FGGY: variants seen among roughly 807,000 people sequenced by gnomAD.
FGGY encodes FGGY carbohydrate kinase domain-containing protein.
A neutral mutation model predicts 71.3 loss-of-function variants in FGGY; 72 were observed. The observed-to-expected ratio is 1.01, with a 90% CI of 0.84 to 1.23. FGGY has a LOEUF of 1.23. FGGY is among the 50% of genes most tolerant of loss of function. The pLI is 0.00. For synonymous variants in FGGY, 251 were observed against 250.3 expected (o/e 1.00, Z -0.02); for missense variants, 668 against 682.3 (o/e 0.98, Z 0.23).
At chr1:59,602,724 G>A (rs1167131641) in intron 8 of FGGY, among the ~76,000 whole-genome samples, 2 of 152,144 alleles carry the variant, frequency 1.3e-5, no homozygotes, top group Non-Finnish European at 2.9e-5. Context: ...TCAAAGCCTT[G>A]CTTCAAGGTG....
At chr1:59,418,341 G>C (rs994003955) in intron 5 of FGGY, among the ~76,000 whole-genome samples, 1 of 152,112 alleles carries the variant, frequency 6.6e-6, no homozygotes, top group African/African-American at 2.4e-5. Context: ...GATTTCAATC[G>C]ATTTAGAGAG....
intron 10 of FGGY, among the ~76,000 whole-genome samples, chr1:59,632,727 T>C (rs1254197211): frequency 1.3e-5 from 2 of 152,226 alleles, no homozygotes; most frequent in Non-Finnish European, 2.9e-5. Context: ...ACTTCACTTC[T>C]AAAAATTTTT....
At chr1:59,386,465 A>G (rs970634615) in intron 5 of FGGY, among the ~76,000 whole-genome samples, 1 of 152,142 alleles carries the variant, frequency 6.6e-6, no homozygotes, top group Admixed American at 6.6e-5. Context: ...ATCACAACTT[A>G]ACACTATTGA....
chr1:59,325,736 T>A (rs1351512751), intron 2 of FGGY, among the ~76,000 whole-genome samples: 1 of 152,188 alleles, frequency 6.6e-6, no homozygotes, highest in Non-Finnish European at 1.5e-5. Context: ...TAGCATTCCT[T>A]ATCTTGTTTC....
In FGGY at chr1:59,457,059, A is replaced by G; in HGVS notation, c.653A>G (p.Asp218Gly). Residue 218 changes from aspartate (D) to glycine (G), a missense_variant, in exon 6 of 16, where the codon GAT becomes GGT. By Grantham distance (94) the Asp-to-Gly change is moderately conservative. Coordinates refer to ENST00000303721, the MANE Select transcript of FGGY (RefSeq NM_018291.5). ...KMIGLEDFVA[D>G]NYSKIGNQVL... is the part of the protein sequence containing the mutation. The stretch of plus-strand genomic sequence containing the variant: ...ATTGGTTTGGAAGACTTTGTTGCAG[A>G]TAATTACAGCAAAATAGGTAAAAGA... 6.2e-7 allele frequency: 1 copy of G among 1,612,950 alleles called. No individual in the cohort carries two copies. Among genetic ancestry groups the G allele is most frequent in the East Asian group, 2.2e-5 (1 of 44,870 alleles).
chr1:59,750,524 T>C (rs993755600), intron 14 of FGGY, among the ~76,000 whole-genome samples: 4 of 152,134 alleles, frequency 2.6e-5, no homozygotes, highest in African/African-American at 7.2e-5. Context: ...GTGCACATAG[T>C]GTACTTAAAA....
intron 8 of FGGY, among the ~76,000 whole-genome samples, chr1:59,579,464 G>T (rs2096146872): frequency 6.6e-6 from 1 of 152,108 alleles, no homozygotes; most frequent in Admixed American, 6.6e-5. Flanking sequence ...CTAAAATTTA[G>T]CATGTCAAAA....
rs147134718 is a variant in FGGY at position 59,567,875 on chromosome 1, G to A, written c.903+13648G>A. ...AAATCCTTTGTCAAGTCTCCTGAAT[G>A]CTAGCTAGGCATACGAGATCCAGCA... On this transcript the variant is annotated intron_variant, in intron 8 of 15. Transcript: ENST00000303721. 2.5e-4 allele frequency among the ~76,000 whole-genome samples: 36 copies of A among 142,968 alleles called. 2 individuals carry two copies. Among genetic ancestry groups the A allele is most frequent in the African/African-American group, 8.6e-4 (33 of 38,302 alleles). The allele number at this position is 142,968 out of a possible 152,430, so 93.8% of individuals were successfully genotyped here.
intron 5 of FGGY, among the ~76,000 whole-genome samples, chr1:59,398,070 G>A (rs1319389831): frequency 6.6e-6 from 1 of 152,070 alleles, no homozygotes; most frequent in African/African-American, 2.4e-5. Flanking sequence ...TGCTTCTTCT[G>A]GTCTTAATGG....
chr1:59,482,836 T>A (rs2093536894), intron 6 of FGGY, among the ~76,000 whole-genome samples: 1 of 152,048 alleles, frequency 6.6e-6, no homozygotes, highest in Admixed American at 6.6e-5. Flanking sequence ...CAAAAGTTGA[T>A]CTTCAGATCA....
At chr1:59,726,103 C>T (rs760808097) in intron 14 of FGGY, among the ~76,000 whole-genome samples, 10 of 151,950 alleles carry the variant, frequency 6.6e-5, no homozygotes, top group Admixed American at 2.6e-4. Flanking sequence ...TCATAGTTTG[C>T]TGTGAATTTT....
intron 8 of FGGY, among the ~76,000 whole-genome samples, chr1:59,573,910 C>T (rs138908235): frequency 1.3e-5 from 2 of 152,310 alleles, no homozygotes; most frequent in East Asian, 3.9e-4. Context: ...ACTGTTGAGC[C>T]TTCTACTACA....
intron 6 of FGGY, among the ~76,000 whole-genome samples, chr1:59,504,275 A>G (rs11207462): frequency 0.28 from 42,758 of 152,048 alleles, 6,434 homozygotes; most frequent in Middle Eastern, 0.34. Context: ...TAATAAACCA[A>G]TAAACGTGTT....
intron 5 of FGGY, among the ~76,000 whole-genome samples, chr1:59,395,235 A>G (rs1379371009): frequency 6.6e-6 from 1 of 152,230 alleles, no homozygotes; most frequent in Middle Eastern, 3.4e-3. Context: ...AGTGCATGAC[A>G]CGTGTTAGGT....
At chr1:59,410,484 C>T (rs1019277299) in intron 5 of FGGY, among the ~76,000 whole-genome samples, 4 of 152,138 alleles carry the variant, frequency 2.6e-5, no homozygotes, top group Admixed American at 6.5e-5. Flanking sequence ...ATGTTCTTTC[C>T]ACTCAGTATA....
chr1:59,756,212 T>C (rs1391127813), intron 14 of FGGY: 3 of 152,194 alleles, frequency 2.0e-5, no homozygotes, highest in African/African-American at 7.2e-5. Context: ...ATAATTTTTC[T>C]TCATTAAAAA....
At chr1:59,643,079 A>T (rs1290374938) in intron 11 of FGGY, among the ~76,000 whole-genome samples, 1 of 152,078 alleles carries the variant, frequency 6.6e-6, no homozygotes, top group Non-Finnish European at 1.5e-5. Context: ...AAAGAAAAAA[A>T]TACCATTGTG....
At chr1:59,302,016 C>T (rs1161162111) in intron 1 of FGGY, among the ~76,000 whole-genome samples, 3 of 151,432 alleles carry the variant, frequency 2.0e-5, no homozygotes, top group East Asian at 1.9e-4. Flanking sequence ...GGATTACAGG[C>T]GTGAGCCACT....
chr1:59,622,207 A>G (rs551368220), intron 9 of FGGY, among the ~76,000 whole-genome samples: 1 of 152,188 alleles, frequency 6.6e-6, no homozygotes, highest in Non-Finnish European at 1.5e-5. Context: ...TTTAATAACT[A>G]TGAGAATATT....
Sources: gnomAD v4.1 joint callset for allele counts (sites outside exome capture counted in the v4.1 genomes callset) on GRCh38, gnomAD v4.1.1 for gene constraint, MANE v1.5 for transcripts, NCBI Gene and HGNC (gene_info 2026-07-23, HGNC 2026-07-21) for gene names.